ST6GALNAC3: variants seen among roughly 807,000 people sequenced by gnomAD.
ST6GALNAC3 encodes alpha-N-acetylgalactosaminide alpha-2,6-sialyltransferase 3.
ST6GALNAC3 carries 25 observed loss-of-function variants against 32.7 expected under a neutral mutation model. The observed-to-expected ratio is 0.76, with a 90% confidence interval of 0.56 to 1.07. The LOEUF is 1.07. Among genes scored for constraint, ST6GALNAC3 ranks in the 50% least tolerant of loss-of-function variants. The pLI is 0.00. For missense variants in ST6GALNAC3, 355 were observed against 382.4 expected (o/e 0.93, Z 0.60); for synonymous variants, 129 against 133.1 (o/e 0.97, Z 0.21).
chr1:76,154,570 C>T (rs1389333393), intron 1 of ST6GALNAC3, among the ~76,000 whole-genome samples: 2 of 152,164 alleles, frequency 1.3e-5, no homozygotes, highest in Non-Finnish European at 2.9e-5. Context: ...GGGTTTTTGA[C>T]GCTCACAGAA....
chr1:76,246,310 C>T (rs760516179), intron 1 of ST6GALNAC3, among the ~76,000 whole-genome samples: 9 of 151,998 alleles, frequency 5.9e-5, no homozygotes, highest in Non-Finnish European at 1.2e-4. Flanking sequence ...TGTCTTTGCA[C>T]GTAAGATTGG....
chr1:76,579,223 A>G (rs1646856396), intron 3 of ST6GALNAC3, among the ~76,000 whole-genome samples: 1 of 152,054 alleles, frequency 6.6e-6, no homozygotes, highest in South Asian at 2.1e-4. Context: ...AAACAGAATA[A>G]TATAAAAGAA....
At chr1:76,109,067 C>A (rs74594517) in intron 1 of ST6GALNAC3, among the ~76,000 whole-genome samples, 8 of 152,206 alleles carry the variant, frequency 5.3e-5, no homozygotes, top group Admixed American at 4.6e-4. Context: ...TCTGGTGCAG[C>A]CTTTGTGTTC....
chr1:76,588,380 G>C (rs1354144234), intron 3 of ST6GALNAC3, among the ~76,000 whole-genome samples: 2 of 151,958 alleles, frequency 1.3e-5, no homozygotes, highest in East Asian at 3.9e-4. Context: ...CAGTGTCTTT[G>C]TGCTACGTAG....
At chr1:76,627,419 C>A in intron 3 of ST6GALNAC3, 33 bp from the exon 4 acceptor site, 1 of 1,393,444 alleles carries the variant, frequency 7.2e-7, no homozygotes, top group African/African-American at 1.4e-5. Flanking sequence ...GTGTTTTGTT[C>A]TGTTTGTTAT....
intron 3 of ST6GALNAC3, among the ~76,000 whole-genome samples, chr1:76,555,410 T>C (rs1664860578): frequency 6.6e-6 from 1 of 152,182 alleles, no homozygotes; most frequent in South Asian, 2.1e-4. Flanking sequence ...GGGTGACTCC[T>C]TCTCTTAAAG....
Position 76,389,011 on chromosome 1 carries a change from C to CTTTTTTTTTTTTTTTTTTTTTTTTTTT in ST6GALNAC3, c.214-22997_214-22996insTTTTTTTTTTTTTTTTTTTTTTTTTTT, listed in dbSNP as rs138986165. Among the ~76,000 whole-genome samples, 5 of 107,908 alleles carry CTTTTTTTTTTTTTTTTTTTTTTTTTTT rather than the reference C, an allele frequency of 4.6e-5. 2 individuals are homozygous for CTTTTTTTTTTTTTTTTTTTTTTTTTTT. The highest frequency in any genetic ancestry group is 5.3e-5 in the Non-Finnish European group (3 of 56,182). The allele number at this position is 107,908 out of a possible 152,430, so 70.8% of individuals were successfully genotyped here. A position where few individuals can be genotyped will look rare whatever the true frequency, so the allele number is the denominator to read the frequency against. On this transcript the variant is annotated intron_variant, in intron 2 of 4. Transcript: ENST00000328299. ...GGTGTGGTTGTTAGTTGGTATATTT[C>CTTTTTTTTTTTTTTTTTTTTTTTTTTT]CTTTTTTTTTTTTTTTTGAGACAGA...
intron 1 of ST6GALNAC3, among the ~76,000 whole-genome samples, chr1:76,293,106 A>G (rs951872916): frequency 5.3e-5 from 8 of 152,212 alleles, no homozygotes; most frequent in African/African-American, 1.4e-4. Context: ...CTTAAGTAAT[A>G]TAAAGGAAAC....
chr1:76,525,771 T>G (rs56204997), intron 3 of ST6GALNAC3, among the ~76,000 whole-genome samples: 3,999 of 93,034 alleles, frequency 0.043, 246 homozygotes, highest in Non-Finnish European at 0.067. Flanking sequence ...GTATGTGTGT[T>G]TGTGTGTGTG....
At chr1:76,228,630 G>A (rs1278809596) in intron 1 of ST6GALNAC3, among the ~76,000 whole-genome samples, 1 of 152,102 alleles carries the variant, frequency 6.6e-6, no homozygotes, top group East Asian at 1.9e-4. Flanking sequence ...GAACTATTAT[G>A]CCAGTCTTAC....
intron 1 of ST6GALNAC3, among the ~76,000 whole-genome samples, chr1:76,311,747 G>A (rs1646768243): frequency 2.0e-5 from 3 of 152,240 alleles, no homozygotes; most frequent in Middle Eastern, 6.8e-3. Flanking sequence ...ACATATGTGT[G>A]CATGTGTGTT....
At chr1:76,446,724 C>T (rs1238774382) in intron 3 of ST6GALNAC3, among the ~76,000 whole-genome samples, 1 of 152,112 alleles carries the variant, frequency 6.6e-6, no homozygotes, top group Non-Finnish European at 1.5e-5. Context: ...CTCATGAGAT[C>T]TGATGGTTTT....
intron 3 of ST6GALNAC3, among the ~76,000 whole-genome samples, chr1:76,478,922 C>A (rs1316607989): frequency 6.6e-6 from 1 of 151,692 alleles, no homozygotes; most frequent in South Asian, 2.1e-4. Flanking sequence ...GCCACCACGC[C>A]CGGCTAATTT....
chr1:76,430,888 G>A (rs987038548), intron 3 of ST6GALNAC3, among the ~76,000 whole-genome samples: 3 of 152,172 alleles, frequency 2.0e-5, no homozygotes, highest in Non-Finnish European at 2.9e-5. Flanking sequence ...TCTGCCTGGA[G>A]CTGATTTCAT....
chr1:76,225,722 A>G (rs1016606325), intron 1 of ST6GALNAC3, among the ~76,000 whole-genome samples: 1 of 152,202 alleles, frequency 6.6e-6, no homozygotes, highest in Non-Finnish European at 1.5e-5. Flanking sequence ...AATAAGTTAC[A>G]TGCATCCATG....
chr1:76,304,608 G>A (rs572091794), intron 1 of ST6GALNAC3, among the ~76,000 whole-genome samples: 1 of 152,186 alleles, frequency 6.6e-6, no homozygotes, highest in South Asian at 2.1e-4. Context: ...TGGAGGACAG[G>A]AAAGGGAGAG....
At chr1:76,316,659 G>A (rs541410509) in intron 2 of ST6GALNAC3, among the ~76,000 whole-genome samples, 1 of 152,224 alleles carries the variant, frequency 6.6e-6, no homozygotes, top group South Asian at 2.1e-4. Flanking sequence ...TGGGCAGCTT[G>A]TGATCAGAAT....
intron 3 of ST6GALNAC3, among the ~76,000 whole-genome samples, chr1:76,534,098 A>AGT (rs1663440013): frequency 6.6e-6 from 1 of 152,008 alleles, no homozygotes; most frequent in African/African-American, 2.4e-5. Flanking sequence ...GCTGGAGTGC[A>AGT]GTGCCGTGAT....
At chr1:76,369,032 A>T (rs1395313473) in intron 2 of ST6GALNAC3, among the ~76,000 whole-genome samples, 1 of 152,108 alleles carries the variant, frequency 6.6e-6, no homozygotes, top group African/African-American at 2.4e-5. Context: ...GCTTAACAAA[A>T]TTTTTAGTGA....
Sources: allele counts gnomAD v4.1 joint callset (sites outside exome capture counted in the v4.1 genomes callset), GRCh38; gene constraint gnomAD v4.1.1; transcripts MANE v1.5; gene names NCBI Gene and HGNC (gene_info 2026-07-23, HGNC 2026-07-21).